Variants in CSGALNACT1 observed in about 807,000 individuals in gnomAD.
The protein encoded by CSGALNACT1 is beta4GalNAcT-1.
A neutral mutation model predicts 51.0 loss-of-function variants in CSGALNACT1; 52 were observed. That is an observed-to-expected ratio of 1.02 (90% CI 0.82 to 1.29). The LOEUF (loss-of-function observed/expected upper bound fraction) is 1.29. Among genes scored for constraint, CSGALNACT1 ranks in the 50% most tolerant of loss-of-function variants. The probability of loss-of-function intolerance (pLI) is 0.00; values close to 1 mark genes in which losing one functional copy is unlikely to be tolerated. For missense variants in CSGALNACT1, 935 were observed against 679.2 expected (o/e 1.38, Z -4.19); for synonymous variants, 341 against 254.4 (o/e 1.34, Z -3.24).
intron 4 of CSGALNACT1, among the ~76,000 whole-genome samples, chr8:19,498,573 C>A (rs1196937749): frequency 6.6e-6 from 1 of 151,992 alleles, no homozygotes; most frequent in Admixed American, 6.6e-5. Flanking sequence ...AGCCAGAACC[C>A]CTCTTTCCCC....
intron 5 of CSGALNACT1, among the ~76,000 whole-genome samples, chr8:19,443,115 G>A (rs1472724610): frequency 2.6e-5 from 4 of 152,172 alleles, no homozygotes; most frequent in African/African-American, 9.7e-5. Flanking sequence ...GCCTGGTCCT[G>A]ACCTGCTTTC....
intron 3 of CSGALNACT1, among the ~76,000 whole-genome samples, chr8:19,583,332 T>C (rs1202033664): frequency 6.6e-6 from 1 of 152,228 alleles, no homozygotes; most frequent in African/African-American, 2.4e-5. Flanking sequence ...TTCTCTAGTA[T>C]CTTTTCATTT....
At position 19,666,831 on chromosome 8, in the gene CSGALNACT1, GAGAAAGAA is replaced by G. The variant is rs34197786; in HGVS notation, c.-544+15634_-544+15641del. ...AGAAAGAGAGAGAGAGAGAGAGAGA[GAGAAAGAA>G]AGAAAGAAAGAAAGAAAGAAAGAAA... is the stretch of plus-strand genomic sequence containing the variant. On this transcript the variant is annotated intron_variant, in intron 1 of 9. Transcript: ENST00000332246. Among the ~76,000 whole-genome samples, 127 of 24,898 alleles carry G rather than the reference GAGAAAGAA, an allele frequency of 5.1e-3. 3 individuals are homozygous for G. The highest frequency in any genetic ancestry group is 8.0e-3 in the South Asian group (6 of 750). 16.3% of individuals were successfully genotyped at this position (24,898 alleles called of 152,430 possible). A position where few individuals can be genotyped will look rare whatever the true frequency, so the allele number is the denominator to read the frequency against.
At position 19,478,165 on chromosome 8, in the gene CSGALNACT1, A is replaced by C. The variant is rs541553463; in HGVS notation, c.635-19523T>G. ...TGCGGTGGCTCACGCCTGTAATCTC[A>C]GCACTTTGGGAGGCCAAGGCGGGTG... On this transcript the variant is annotated intron_variant, in intron 4 of 9. Coordinates refer to ENST00000454498, the Ensembl canonical transcript of CSGALNACT1. 2.6e-5 allele frequency among the ~76,000 whole-genome samples: 4 copies of C among 152,232 alleles called. No individual in the cohort carries two copies. The East Asian group carries it at 7.8e-4, about 30-fold the overall frequency.
chr8:19,538,991 C>G (rs1387289665), intron 3 of CSGALNACT1, among the ~76,000 whole-genome samples: 1 of 152,162 alleles, frequency 6.6e-6, no homozygotes, highest in Admixed American at 6.5e-5. Context: ...CCCAAAAGAC[C>G]TTGTGCTGGG....
chr8:19,564,160 A>G (rs924665751), intron 3 of CSGALNACT1, among the ~76,000 whole-genome samples: 10 of 152,186 alleles, frequency 6.6e-5, no homozygotes, highest in African/African-American at 2.4e-4. Context: ...AAACTTTTAA[A>G]AGAGGAAACC....
At chr8:19,408,259 C>T (rs892869318) in intron 9 of CSGALNACT1, among the ~76,000 whole-genome samples, 6 of 151,980 alleles carry the variant, frequency 3.9e-5, no homozygotes, top group African/African-American at 1.5e-4. Flanking sequence ...GCTAAAATGC[C>T]ACCTACTACC....
chr8:19,537,337 G>A (rs1193439106), intron 3 of CSGALNACT1, among the ~76,000 whole-genome samples: 1 of 152,148 alleles, frequency 6.6e-6, no homozygotes, highest in African/African-American at 2.4e-5. Context: ...CACAGAGGGT[G>A]TGCAGTAAAC....
chr8:19,594,740 C>G (rs1350656902), intron 2 of CSGALNACT1, among the ~76,000 whole-genome samples: 1 of 151,172 alleles, frequency 6.6e-6, no homozygotes, highest in Non-Finnish European at 1.5e-5. Flanking sequence ...TTACTAGAGA[C>G]AGGGTTTCAC....
intron 3 of CSGALNACT1, among the ~76,000 whole-genome samples, chr8:19,587,419 G>A (rs529548041): frequency 1.3e-5 from 2 of 152,306 alleles, no homozygotes; most frequent in South Asian, 4.1e-4. Context: ...AAATGTCATG[G>A]GTGGTAAGGA....
intron 1 of CSGALNACT1, among the ~76,000 whole-genome samples, chr8:19,648,551 T>G (rs1433541930): frequency 6.6e-6 from 1 of 152,232 alleles, no homozygotes; most frequent in African/African-American, 2.4e-5. Context: ...CTGATACCTG[T>G]CATCCCAGCA....
At chr8:19,654,959 C>T (rs1051563118) in intron 1 of CSGALNACT1, among the ~76,000 whole-genome samples, 2 of 151,866 alleles carry the variant, frequency 1.3e-5, no homozygotes, top group South Asian at 4.2e-4. Flanking sequence ...AAAAAAAATT[C>T]TAAAATCACC....
intron 1 of CSGALNACT1, among the ~76,000 whole-genome samples, chr8:19,623,028 A>G: frequency 6.6e-6 from 1 of 152,332 alleles, no homozygotes; most frequent in East Asian, 1.9e-4. Context: ...AAACCTGCAC[A>G]TTCCACACAT....
chr8:19,490,008 A>C (rs1463125949), intron 4 of CSGALNACT1, among the ~76,000 whole-genome samples: 1 of 152,184 alleles, frequency 6.6e-6, no homozygotes, highest in African/African-American at 2.4e-5. Flanking sequence ...TTCATAGACT[A>C]ATTACCACAT....
chr8:19,725,425 C>CTTTTTTTT (rs749829348), intron 1 of CSGALNACT1, among the ~76,000 whole-genome samples: 7 of 136,136 alleles, frequency 5.1e-5, no homozygotes, highest in African/African-American at 8.1e-5. Context: ...TTTCTTTTTT[C>CTTTTTTTT]TTTTTTTTTT....
chr8:19,663,480 C>T (rs1055981207), intron 1 of CSGALNACT1, among the ~76,000 whole-genome samples: 24 of 152,034 alleles, frequency 1.6e-4, no homozygotes, highest in African/African-American at 5.3e-4. Flanking sequence ...TTTTCCTTTC[C>T]CCCTAGCACG....
chr8:19,731,536 A>T (rs1428960248), intron 1 of CSGALNACT1, among the ~76,000 whole-genome samples: 1 of 152,088 alleles, frequency 6.6e-6, no homozygotes, highest in Non-Finnish European at 1.5e-5. Context: ...CTGTTTACTG[A>T]CACATCATCT....
intron 3 of CSGALNACT1, among the ~76,000 whole-genome samples, chr8:19,534,838 TTCAAG>T (rs560446475): frequency 8.9e-4 from 136 of 152,348 alleles, no homozygotes; most frequent in African/African-American, 3.0e-3. Context: ...ATCTTTTTTC[TTCAAG>T]TCAAGTGGGG....
At chr8:19,593,415 C>A (rs910790450) in intron 2 of CSGALNACT1, among the ~76,000 whole-genome samples, 1 of 152,240 alleles carries the variant, frequency 6.6e-6, no homozygotes, top group Non-Finnish European at 1.5e-5. Flanking sequence ...GGCACCACAA[C>A]AGCTAGGCTC....
Sources: gnomAD v4.1 joint callset for allele counts (sites outside exome capture counted in the v4.1 genomes callset) on GRCh38, gnomAD v4.1.1 for gene constraint, MANE v1.5 for transcripts, NCBI Gene and HGNC (gene_info 2026-07-23, HGNC 2026-07-21) for gene names.